Variants in CNIH3 observed in about 807,000 individuals in gnomAD.
CNIH3 encodes the protein cornichon family AMPA receptor auxiliary protein 3.
Under a neutral mutation model 24.1 loss-of-function variants are expected in CNIH3, and 14 were observed. The ratio of observed to expected loss-of-function variants is 0.58; its 90% CI spans 0.38 to 0.91. The LOEUF (loss-of-function observed/expected upper bound fraction) is 0.91, where lower values mean the gene tolerates loss of function less well. Among genes scored for constraint, CNIH3 ranks in the 40% least tolerant of loss-of-function variants. The pLI is 0.00. For synonymous variants in CNIH3, 68 were observed against 73.8 expected, an observed-to-expected ratio of 0.92 and a Z score of 0.40; for missense variants, 178 against 196.8, an observed-to-expected ratio of 0.90 and a Z score of 0.57.
At chr1:224,584,432 G>A (rs1192178050) in intron 5 of CNIH3, among the ~76,000 whole-genome samples, 3 of 152,094 alleles carry the variant, frequency 2.0e-5, no homozygotes, top group African/African-American at 4.8e-5. Context: ...TTTTGTTTGG[G>A]GGCTAGAAAA....
intron 1 of CNIH3, among the ~76,000 whole-genome samples, chr1:224,437,219 G>A (rs1674705403): frequency 6.6e-6 from 1 of 152,064 alleles, no homozygotes; most frequent in Admixed American, 6.5e-5. Context: ...TAGGAACAAA[G>A]GTCCAAGTTA....
chr1:224,603,132 AAAG>A (rs1395064210), intron 3 of CNIH3, among the ~76,000 whole-genome samples: 3 of 151,902 alleles, frequency 2.0e-5, no homozygotes, highest in African/African-American at 7.3e-5. Flanking sequence ...TTGCAAAAGA[AAAG>A]AAGGAGGCAG....
chr1:224,536,479 TG>T (rs1212193769), intron 2 of CNIH3, among the ~76,000 whole-genome samples: 2 of 151,786 alleles, frequency 1.3e-5, no homozygotes, highest in Non-Finnish European at 2.9e-5. Flanking sequence ...TTAGTAGAGA[TG>T]GGGTTTCTCC....
At chr1:224,636,239 A>G (rs1026370355) in intron 1 of CNIH3, among the ~76,000 whole-genome samples, 2 of 151,816 alleles carry the variant, frequency 1.3e-5, no homozygotes, top group East Asian at 1.9e-4. Context: ...TACCATTTGC[A>G]TATTTGTTTT....
chr1:224,522,049 T>C (rs894641940), intron 2 of CNIH3, among the ~76,000 whole-genome samples: 4 of 152,196 alleles, frequency 2.6e-5, no homozygotes, highest in Non-Finnish European at 4.4e-5. Flanking sequence ...CATATTAAAT[T>C]GTTGCCTGTT....
chr1:224,521,494 C>T (rs1678629598), intron 2 of CNIH3: 1 of 152,158 alleles, frequency 6.6e-6, no homozygotes, highest in Non-Finnish European at 1.5e-5. Context: ...TGTGAAGGGG[C>T]CTCTGTGTCC....
intron 3 of CNIH3, among the ~76,000 whole-genome samples, chr1:224,712,193 T>C (rs1688192364): frequency 6.6e-6 from 1 of 152,264 alleles, no homozygotes; most frequent in South Asian, 2.1e-4. Context: ...CTCTCACCTT[T>C]AGCAGTTGTT....
chr1:224,534,646 G>C (rs183261765), intron 2 of CNIH3, among the ~76,000 whole-genome samples: 3 of 152,266 alleles, frequency 2.0e-5, no homozygotes, highest in Admixed American at 2.0e-4. Context: ...GAGAAAACAT[G>C]GAAAAAATCA....
intron 1 of CNIH3, 151 bp from the exon 2 acceptor site, chr1:224,680,807 G>A: frequency 6.3e-6 from 4 of 637,672 alleles, no homozygotes; most frequent in South Asian, 3.7e-5. Context: ...CTTATTGCCA[G>A]CTTCGACAGT....
intron 5 of CNIH3, among the ~76,000 whole-genome samples, chr1:224,583,989 G>A (rs1251432355): frequency 6.6e-6 from 1 of 152,162 alleles, no homozygotes; most frequent in Non-Finnish European, 1.5e-5. Flanking sequence ...TTCCACATTA[G>A]CATAGCTAAG....
chr1:224,479,491 A>G (rs1676722446), intron 1 of CNIH3, among the ~76,000 whole-genome samples: 1 of 152,144 alleles, frequency 6.6e-6, no homozygotes, highest in Admixed American at 6.5e-5. Flanking sequence ...CATTAACTCA[A>G]AAGTCCACAG....
chr1:224,571,209 C>A (rs553509837), intron 4 of CNIH3, among the ~76,000 whole-genome samples: 1 of 152,184 alleles, frequency 6.6e-6, no homozygotes, highest in Admixed American at 6.5e-5. Context: ...AAATTTCCCC[C>A]AAACCCCTTG....
intron 4 of CNIH3, among the ~76,000 whole-genome samples, chr1:224,732,086 G>A (rs1241793966): frequency 6.6e-6 from 1 of 152,220 alleles, no homozygotes; most frequent in Non-Finnish European, 1.5e-5. Context: ...GCAGTGTAAA[G>A]GATGGGTTAG....
chr1:224,687,013 C>G (rs142383245), intron 3 of CNIH3, among the ~76,000 whole-genome samples: 1 of 152,306 alleles, frequency 6.6e-6, no homozygotes, highest in African/African-American at 2.4e-5. Context: ...GCTGCAGCTT[C>G]TGGGAGGTCA....
chr1:224,691,581 G>T lies in CNIH3; in HGVS notation c.198+6738G>T, dbSNP rs905958730. On this transcript the variant is annotated intron_variant, in intron 3 of 5. Coordinates refer to ENST00000272133, the MANE Select transcript of CNIH3 (RefSeq NM_152495.2). ...GTATCTCAAGGCCAAGCCTGCTAGA[G>T]CCAGTGACTGCCAACCATCCTTTAG... Among the ~76,000 whole-genome samples the T allele has an allele frequency of 8.5e-5, 13 of 152,230 alleles. No homozygotes were observed. In the South Asian group the frequency reaches 1.4e-3, roughly 17 times the overall value.
chr1:224,708,549 G>C (rs768593140), intron 3 of CNIH3, among the ~76,000 whole-genome samples: 1 of 152,096 alleles, frequency 6.6e-6, no homozygotes, highest in African/African-American at 2.4e-5. Flanking sequence ...CTTGCAGTCC[G>C]GCAGATGTGC....
At chr1:224,664,230 G>T (rs1685493180) in intron 1 of CNIH3, among the ~76,000 whole-genome samples, 1 of 152,186 alleles carries the variant, frequency 6.6e-6, no homozygotes, top group South Asian at 2.1e-4. Context: ...GTGGTCTAGT[G>T]AGTTTCAGTT....
chr1:224,442,013 ATTTT>A (rs1167622615), intron 1 of CNIH3, among the ~76,000 whole-genome samples: 14 of 119,996 alleles, frequency 1.2e-4, no homozygotes, highest in Non-Finnish European at 1.9e-4. Flanking sequence ...GATTCCCTTA[ATTTT>A]TTTTTTTTTT....
At chr1:224,462,062 G>A (rs1184247052) in intron 1 of CNIH3, among the ~76,000 whole-genome samples, 1 of 152,020 alleles carries the variant, frequency 6.6e-6, no homozygotes, top group Non-Finnish European at 1.5e-5. Flanking sequence ...AGTACAGGGT[G>A]TTCTCATATA....
Sources: allele counts gnomAD v4.1 joint callset (sites outside exome capture counted in the v4.1 genomes callset), GRCh38; gene constraint gnomAD v4.1.1; transcripts MANE v1.5; gene names NCBI Gene and HGNC (gene_info 2026-07-23, HGNC 2026-07-21).